The following ANKRD30BL variants were observed in gnomAD, a reference collection of about 807,000 sequenced individuals.
ANKRD30BL encodes the protein ankyrin repeat domain 30B like, also known as putative ankyrin repeat domain-containing protein 30B-like.
A neutral mutation model predicts 18.4 loss-of-function variants in ANKRD30BL; 20 were observed. The ratio of observed to expected loss-of-function variants is 1.09; its 90% CI spans 0.77 to 1.58. ANKRD30BL has a LOEUF of 1.58. ANKRD30BL is among the 40% of genes most tolerant of loss of function. The pLI, the probability that ANKRD30BL is intolerant of heterozygous loss-of-function variation, is 0.00. For synonymous variants in ANKRD30BL, 72 were observed against 100.9 expected (o/e 0.71, Z 1.72); for missense variants, 224 against 268.6 (o/e 0.83, Z 1.16).
intron 1 of ANKRD30BL, among the ~76,000 whole-genome samples, chr2:132,235,099 TC>T (rs1456827011): frequency 6.6e-6 from 1 of 152,150 alleles, no homozygotes; most frequent in Non-Finnish European, 1.5e-5. Flanking sequence ...CATGATTATC[TC>T]AATAGATGCA....
intron 1 of ANKRD30BL, among the ~76,000 whole-genome samples, chr2:132,248,198 C>T (rs112874516): frequency 1.3e-5 from 2 of 152,004 alleles, no homozygotes; most frequent in African/African-American, 2.4e-5. Flanking sequence ...AACAAAGGTT[C>T]GACACTGTGA....
intron 4 of ANKRD30BL, 41 bp from the exon 5 acceptor site, chr2:132,151,017 A>G: frequency 5.5e-6 from 3 of 548,466 alleles, no homozygotes. Context: ...CTATTTTAAC[A>G]TTGATATAAA....
chr2:132,218,322 A>G (rs1202518073), intron 1 of ANKRD30BL, among the ~76,000 whole-genome samples: 6 of 152,250 alleles, frequency 3.9e-5, no homozygotes, highest in African/African-American at 1.4e-4. Context: ...CATTCCCAGA[A>G]ACTTCTTTTT....
At chr2:132,242,350 C>A (rs932116155) in intron 1 of ANKRD30BL, among the ~76,000 whole-genome samples, 4 of 151,030 alleles carry the variant, frequency 2.6e-5, no homozygotes, top group African/African-American at 9.7e-5. Context: ...TTGAGGATAT[C>A]GTTGGAAACG....
intron 1 of ANKRD30BL, among the ~76,000 whole-genome samples, chr2:132,230,423 G>A (rs6740638): frequency 0.046 from 7,015 of 152,016 alleles, 546 homozygotes; most frequent in African/African-American, 0.16. Flanking sequence ...TGTATTATAT[G>A]CAAGTGGACA....
intron 1 of ANKRD30BL, among the ~76,000 whole-genome samples, chr2:132,230,451 G>A (rs755172208): frequency 6.6e-6 from 1 of 151,258 alleles, no homozygotes; most frequent in Non-Finnish European, 1.5e-5. Flanking sequence ...CGCTTTGAGG[G>A]CTATGGTTGA....
chr2:132,166,227 T>C (rs1057139996), upstream of ANKRD30BL, among the ~76,000 whole-genome samples: 1 of 152,196 alleles, frequency 6.6e-6, no homozygotes, highest in African/African-American at 2.4e-5. Context: ...TGAATCTTTG[T>C]TCATGAGAGA....
intron 1 of ANKRD30BL, among the ~76,000 whole-genome samples, chr2:132,227,552 C>T (rs62166102): frequency 6.6e-6 from 1 of 151,952 alleles, no homozygotes; most frequent in African/African-American, 2.4e-5. Context: ...AATACCTTCA[C>T]ATAAAATCTA....
chr2:132,221,552 T>A (rs1303718399), intron 1 of ANKRD30BL, among the ~76,000 whole-genome samples: 1 of 110,040 alleles, frequency 9.1e-6, no homozygotes, highest in African/African-American at 4.0e-5. Context: ...GGTGGGGGGG[T>A]CAGCCCCCCG....
At chr2:132,236,253 C>T (rs534930871) in intron 1 of ANKRD30BL, among the ~76,000 whole-genome samples, 3 of 151,296 alleles carry the variant, frequency 2.0e-5, no homozygotes, top group Non-Finnish European at 2.9e-5. Context: ...AAAACATAGG[C>T]ATTACCATTC....
chr2:132,191,028 A>G (rs1268504091), intron 1 of ANKRD30BL, among the ~76,000 whole-genome samples: 1 of 152,178 alleles, frequency 6.6e-6, no homozygotes, highest in Non-Finnish European at 1.5e-5. Context: ...ACAAACATAT[A>G]AAGTTATGTG....
chr2:132,228,627 C>G (rs181735455), intron 1 of ANKRD30BL, among the ~76,000 whole-genome samples: 66 of 150,532 alleles, frequency 4.4e-4, no homozygotes, highest in African/African-American at 1.6e-3. Context: ...CAGAAAAATT[C>G]TGAGAAATTT....
intron 1 of ANKRD30BL, among the ~76,000 whole-genome samples, chr2:132,194,139 A>G (rs1678917625): frequency 6.6e-6 from 1 of 151,540 alleles, no homozygotes; most frequent in Admixed American, 6.6e-5. Flanking sequence ...CCCTCACACG[A>G]CTGGGCATTC....
At chr2:132,162,233 T>C (rs10190323), upstream of ANKRD30BL, among the ~76,000 whole-genome samples, 56,445 of 151,882 alleles carry the variant, frequency 0.37, 11,185 homozygotes, top group African/African-American at 0.51. Context: ...TCCCGGCCTC[T>C]TGCAGCCAGG....
rs1368012451 is a variant in ANKRD30BL at position 132,170,709 on chromosome 2, T to C, written n.442-13563A>G. ...CTGTTCTATGGTTCCAGCCTCACATTGGTAAGGGAGTGTTTTCAGAAGGCC... is the reference window on the plus strand; with the variant it reads ...CTGTTCTATGGTTCCAGCCTCACATCGGTAAGGGAGTGTTTTCAGAAGGCC... On this transcript the variant is annotated intron_variant and non_coding_transcript_variant, in intron 1 of 4. Transcript: ENST00000470729. Among the ~76,000 whole-genome samples, 12 of 152,230 alleles carry C rather than the reference T, an allele frequency of 7.9e-5. 1 individual carries two copies. The highest frequency in any genetic ancestry group is 1.3e-4 in the Admixed American group (2 of 15,282).
upstream of ANKRD30BL, among the ~76,000 whole-genome samples, chr2:132,165,419 C>T (rs533299531): frequency 7.3e-5 from 11 of 151,686 alleles, no homozygotes; most frequent in South Asian, 2.1e-4. Flanking sequence ...TGCAGCCAGG[C>T]GCGGTGGCTC....
At position 132,172,937 on chromosome 2, in the gene ANKRD30BL, A is replaced by T. The variant is rs1445379351; in HGVS notation, n.442-15791T>A. Among the ~76,000 whole-genome samples the T allele has an allele frequency of 2.6e-5, 4 of 152,024 alleles. No individual in the cohort carries two copies. The East Asian group carries it at 7.7e-4, about 29-fold the overall frequency. ...TGGCCAGGCTGGTCTCAAATTCCTG[A>T]TCTTGTGATCCACCCACCTCAGCCT... On this transcript the variant is annotated intron_variant and non_coding_transcript_variant, in intron 1 of 4. Coordinates refer to the ANKRD30BL transcript ENST00000470729.
intron 1 of ANKRD30BL, among the ~76,000 whole-genome samples, chr2:132,204,554 G>C (rs1217063988): frequency 6.6e-6 from 1 of 151,636 alleles, no homozygotes; most frequent in Non-Finnish European, 1.5e-5. Flanking sequence ...GATGCAGTTA[G>C]AAGAAAAAGT....
At chr2:132,196,387 T>A (rs532314910) in intron 1 of ANKRD30BL, among the ~76,000 whole-genome samples, 1 of 151,896 alleles carries the variant, frequency 6.6e-6, no homozygotes, top group South Asian at 2.1e-4. Flanking sequence ...CCCTGGGGGA[T>A]TGCAGTGAGC....
Sources: gnomAD v4.1 joint callset for allele counts (sites outside exome capture counted in the v4.1 genomes callset) on GRCh38, gnomAD v4.1.1 for gene constraint, MANE v1.5 for transcripts, NCBI Gene and HGNC (gene_info 2026-07-23, HGNC 2026-07-21) for gene names.